Variants in CMTR2 observed in about 807,000 individuals in gnomAD.
CMTR2 encodes the protein cap-specific mRNA (nucleoside-2'-O-)-methyltransferase 2.
CMTR2 carries 40 observed loss-of-function variants against 49.8 expected under a neutral mutation model. The observed-to-expected ratio is 0.80, with a 90% CI of 0.62 to 1.04. The LOEUF is 1.04. CMTR2 is among the 50% of genes least tolerant of loss of function. CMTR2 has a pLI of 0.00. For missense variants in CMTR2, 907 were observed against 897.2 expected (o/e 1.01, Z -0.14); for synonymous variants, 326 against 315.8 (o/e 1.03, Z -0.34).
chr16:71,288,019 AT>A (rs1287351820), intron 2 of CMTR2: 5 of 152,186 alleles, frequency 3.3e-5, no homozygotes, highest in South Asian at 2.1e-4. Flanking sequence ...CTAATAGGAA[AT>A]TACCTTCACA....
chr16:71,283,695 C>G lies in CMTR2; in HGVS notation c.2226G>C (p.Leu742Phe). The change falls in exon 3 of 3, where the codon TTG (leucine) becomes TTC (phenylalanine). Residue 742 changes from leucine (L) to phenylalanine (F), a missense_variant. Coordinates refer to ENST00000434935, the MANE Select transcript of CMTR2 (RefSeq NM_018348.6). ...AATGCCTTTTAGCAATGGCAGCATT[C>G]AAATCCCACAAAAAATCAAGCAGGG... ...KGALLDFLWD[L>F]NAAIAKRHLH... 6.2e-7 allele frequency: 1 copy of G among 1,613,872 alleles called. No individual in the cohort carries two copies. Among genetic ancestry groups the G allele is most frequent in the Non-Finnish European group, 8.5e-7 (1 of 1,179,894 alleles).
In CMTR2 at chr16:71,283,456, AATGG is replaced by A. The variant is rs1218973326; in HGVS notation, c.*148_*151del. The stretch of plus-strand genomic sequence containing the variant: ...TGGGTGTATATACCCTAGAGATCAG[AATGG>A]ATGGTTTTCCAGAATTAATGAGACT... On this transcript the variant is annotated 3_prime_UTR_variant, in exon 3 of 3. Coordinates refer to ENST00000434935, the MANE Select transcript of CMTR2 (RefSeq NM_018348.6). 3 of 895,472 alleles carry A rather than the reference AATGG, an allele frequency of 3.4e-6. No homozygotes were observed. In the African/African-American group the frequency reaches 5.1e-5, roughly 15 times the overall value. 55.5% of individuals were successfully genotyped at this position (895,472 alleles called of 1,614,324 possible).
In CMTR2 at chr16:71,284,875, TG is replaced by T; in HGVS notation, c.1045del (p.His349IlefsTer3). The T allele has an allele frequency of 1.9e-6, 3 of 1,613,942 alleles. No individual in the cohort carries two copies. The highest frequency in any genetic ancestry group is 2.5e-6 in the Non-Finnish European group (3 of 1,179,952). On this transcript the variant is annotated frameshift_variant, in exon 3 of 3. Coordinates refer to ENST00000434935, the MANE Select transcript of CMTR2 (RefSeq NM_018348.6). LOFTEE classifies it high-confidence loss of function. ...AAGAAAAGAATCAGGAATCACATGA[TG>T]GGGAAAAAGGGCTTTCCTTTTCATT... ...TEMKRKALFP[H>X]HVIPDSFLKR...
At chr16:71,286,549 A>T (rs968653812) in intron 2 of CMTR2, 6 of 152,002 alleles carry the variant, frequency 3.9e-5, no homozygotes, top group African/African-American at 7.3e-5. Flanking sequence ...CCTCACTAGT[A>T]GGATTGTTGA....
chr16:71,289,174 G>A lies in CMTR2; in HGVS notation c.-118C>T, dbSNP rs2015322798. Reference sequence around the variant, plus strand: ...CACTGGGGCCCCAGTGTCTGGAGAGGCTGCACTTTACTCTCTCGAGGAAGC... The same window carrying A: ...CACTGGGGCCCCAGTGTCTGGAGAGACTGCACTTTACTCTCTCGAGGAAGC... On this transcript the variant is annotated 5_prime_UTR_variant, in exon 1 of 3. Coordinates refer to ENST00000434935, the MANE Select transcript of CMTR2 (RefSeq NM_018348.6). The A allele has an allele frequency of 6.6e-6, 1 of 152,436 alleles. No individual in the cohort carries two copies. Among genetic ancestry groups the A allele is most frequent in the Non-Finnish European group, 1.5e-5 (1 of 68,136 alleles). 9.4% of individuals were successfully genotyped at this position (152,436 alleles called of 1,614,324 possible).
rs1459141052 is a variant in CMTR2, at chr16:71,285,467, CTA to C, written c.452_453del (p.Ile151SerfsTer2). ...GATTTTAAGTAGTGGTTGAGACTAG[CTA>C]TAAAAGCTCCTGGAGCTTCACAAAG... Reference protein sequence around the residue: ...LHLCEAPGAFIASLNHYLKSH... With the variant: ...LHLCEAPGAFXASLNHYLKSH... On this transcript the variant is annotated frameshift_variant, in exon 3 of 3. Coordinates refer to ENST00000434935, the MANE Select transcript of CMTR2 (RefSeq NM_018348.6). LOFTEE classifies it high-confidence loss of function. 1 of 1,613,972 alleles carries C rather than the reference CTA, an allele frequency of 6.2e-7. No homozygotes were observed. The highest frequency in any genetic ancestry group is 1.1e-5 in the South Asian group (1 of 91,076).
rs1198983044 is a variant in CMTR2, at chr16:71,284,726, A to C, written c.1195T>G (p.Cys399Gly). The C allele has an allele frequency of 1.9e-6, 3 of 1,613,580 alleles. No individual in the cohort carries two copies. The highest frequency in any genetic ancestry group is 2.5e-6 in the Non-Finnish European group (3 of 1,179,736). Residue 399 changes from cysteine to glycine, a missense_variant, in exon 3 of 3, where the codon TGT becomes GGT. Coordinates refer to ENST00000434935, the MANE Select transcript of CMTR2 (RefSeq NM_018348.6). Reference protein sequence around the residue: ...EQEKLNNLRDCAIQYFMQKFQ... With the variant: ...EQEKLNNLRDGAIQYFMQKFQ... ...TTTTGCATAAAATATTGTATAGCAC[A>C]ATCCCTTAAATTATTCAGCTTTTCT...
chr16:71,289,631 G>C (rs1460572014), upstream of CMTR2: 1 of 150,832 alleles, frequency 6.6e-6, no homozygotes, highest in Non-Finnish European at 1.5e-5. Context: ...GAAAGGGAGA[G>C]GGACAGGGAG....
chr16:71,285,242 C>A lies in CMTR2; in HGVS notation c.679G>T (p.Ala227Ser). 1 of 1,613,774 alleles carries A rather than the reference C, an allele frequency of 6.2e-7. No homozygotes were observed. The highest frequency in any genetic ancestry group is 8.5e-7 in the Non-Finnish European group (1 of 1,179,648). The change falls in exon 3 of 3, where the codon GCT becomes TCT. Residue 227 changes from alanine to serine, a missense_variant. Transcript: ENST00000434935. ...TGLQNFISSM[A>S]TVHLVTADGS... ...TCTGCAGTGACCAAGTGAACAGTAG[C>A]CATGCTGCTTATGAAATTCTGAAGT...
rs777100027 is a variant in CMTR2 at position 71,284,962 on chromosome 16, T to C, written c.959A>G (p.Tyr320Cys). 5.6e-6 allele frequency: 9 copies of C among 1,613,946 alleles called. No individual in the cohort carries two copies. The highest frequency in any genetic ancestry group is 6.8e-6 in the Non-Finnish European group (8 of 1,179,928). ...NSEVYVVCLH[Y>C]KGREAIHPLL... ...AGGATGGATGGCCTCTCTCCCCTTA[T>C]AGTGGAGGCAAACCACATAGACTTC... The change falls in exon 3 of 3, where the codon TAT (tyrosine) becomes TGT (cysteine). Residue 320 changes from tyrosine (Y) to cysteine (C), a missense_variant. Tyr to Cys is a radical substitution (Grantham distance 194, BLOSUM62 -2). Coordinates refer to ENST00000434935, the MANE Select transcript of CMTR2 (RefSeq NM_018348.6).
At chr16:71,287,037 A>ATAT (rs1423503023) in intron 2 of CMTR2, 4 of 152,308 alleles carry the variant, frequency 2.6e-5, no homozygotes, top group Admixed American at 6.5e-5. Flanking sequence ...AGAGCAATGA[A>ATAT]TATTACATGG....
At position 71,284,692 on chromosome 16, in the gene CMTR2, A is replaced by G; in HGVS notation, c.1229T>C (p.Leu410Pro). 1 of 1,612,724 alleles carries G rather than the reference A, an allele frequency of 6.2e-7. No individual in the cohort carries two copies. Among genetic ancestry groups the G allele is most frequent in the South Asian group, 1.1e-5 (1 of 90,728 alleles). The change falls in exon 3 of 3, where the codon CTG becomes CCG. Residue 410 changes from leucine (L) to proline (P), a missense_variant. Transcript: ENST00000434935. Reference protein sequence around the residue: ...AIQYFMQKFQLKHLSRNNWLV... With the variant: ...AIQYFMQKFQPKHLSRNNWLV... ...CCAATTATTTCTGGAAAGATGTTTC[A>G]GTTGAAATTTTTGCATAAAATATTG...
In CMTR2 at chr16:71,284,441, A is replaced by T. The variant is rs1167131284; in HGVS notation, c.1480T>A (p.Trp494Arg). The T allele has an allele frequency of 3.1e-6, 5 of 1,614,014 alleles. No homozygotes were observed. The highest frequency in any genetic ancestry group is 1.7e-5 in the Admixed American group (1 of 60,028). ...AGTTTCTTTCCCTCCAAAATATGCCATAAGTGACACTCAAGATTGGAAGCT... is the reference window on the plus strand; with the variant it reads ...AGTTTCTTTCCCTCCAAAATATGCCTTAAGTGACACTCAAGATTGGAAGCT... ...GTASNLECHL[W>R]HILEGKKLPK... Residue 494 changes from tryptophan (W) to arginine (R), a missense_variant, in exon 3 of 3, where the codon TGG (tryptophan) becomes AGG (arginine). Trp to Arg is a moderately radical substitution (Grantham distance 101, BLOSUM62 -3). Transcript: ENST00000434935.
Position 71,283,854 on chromosome 16 carries a change from A to G in CMTR2, c.2067T>C (p.Val689=). 1 of 1,613,900 alleles carries G rather than the reference A, an allele frequency of 6.2e-7. No individual in the cohort carries two copies. Among genetic ancestry groups the G allele is most frequent in the Non-Finnish European group, 8.5e-7 (1 of 1,179,882 alleles). The change falls in exon 3 of 3, where the codon GTT becomes GTC. Residue 689 remains valine (V), a synonymous_variant. Coordinates refer to ENST00000434935, the MANE Select transcript of CMTR2 (RefSeq NM_018348.6). ...CTGGATTTGGAAGGTCCTGATAACC[A>G]ACACATAGCAGGACTGCGCAGGTCC... ...PLRTCAVLLC[V]GYQDLPNPVF... is the part of the protein sequence containing the mutation.
rs11645087 is a variant in CMTR2 at position 71,281,757 on chromosome 16, T to C, written c.*1851A>G. ...CAGTGTTATATATTCCAGTACAGAT[T>C]AGTGTCAACAAAACACTAAGCATTC... On this transcript the variant is annotated 3_prime_UTR_variant, in exon 3 of 3. Transcript: ENST00000434935. 0.29 allele frequency: 44,223 copies of C among 151,872 alleles called. 7,842 individuals carry two copies. Among genetic ancestry groups the C allele is most frequent in the Non-Finnish European group, 0.4 (26,810 of 67,758 alleles). 9.4% of individuals were successfully genotyped at this position (151,872 alleles called of 1,614,324 possible). A position where few individuals can be genotyped will look rare whatever the true frequency, so the allele number is the denominator to read the frequency against.
rs1453120210 is a variant in CMTR2 at position 71,282,778 on chromosome 16, C to A, written c.*830G>T. The A allele has an allele frequency of 1.3e-5, 2 of 152,436 alleles. No homozygotes were observed. Among genetic ancestry groups the A allele is most frequent in the Non-Finnish European group, 2.9e-5 (2 of 67,998 alleles). 9.4% of individuals were successfully genotyped at this position (152,436 alleles called of 1,614,324 possible). ...CCCAACATGAGACTAAACACTATCT[C>A]AAAATCTTAAAAAATCTTTCCATTC... is the stretch of plus-strand genomic sequence containing the variant. On this transcript the variant is annotated 3_prime_UTR_variant, in exon 3 of 3. Coordinates refer to ENST00000434935, the MANE Select transcript of CMTR2 (RefSeq NM_018348.6).
rs1021905565 is a variant in CMTR2, at chr16:71,284,367, A to C, written c.1554T>G (p.Thr518=). The C allele has an allele frequency of 1.9e-6, 3 of 1,613,452 alleles. No individual in the cohort carries two copies. The highest frequency in any genetic ancestry group is 2.5e-6 in the Non-Finnish European group (3 of 1,179,836). ...ATGACTTTTCAATTGCTTCATTAAG[A>C]GTTTTTAAAATTTCACCATTGCAAA... ...SPFCNGEILK[T]LNEAIEKSLG... The change falls in exon 3 of 3, where the codon ACT becomes ACG. Residue 518 remains threonine (T), a synonymous_variant. Transcript: ENST00000434935.
chr16:71,287,708 A>T (rs538682858), intron 2 of CMTR2: 3 of 152,388 alleles, frequency 2.0e-5, no homozygotes, highest in Admixed American at 6.5e-5. Flanking sequence ...TGCTGGGATT[A>T]CAGGTGTCAG....
Position 71,284,828 on chromosome 16 carries a change from CACA to C in CMTR2, c.1090_1092del (p.Cys364del). On this transcript the variant is annotated inframe_deletion, in exon 3 of 3. Coordinates refer to ENST00000434935, the MANE Select transcript of CMTR2 (RefSeq NM_018348.6). ...TCTAGCTGATATTTATGAAAGAACACACAACATTCTTCATGTCTCTTAAGAAAA... is the reference window on the plus strand; with the variant it reads ...TCTAGCTGATATTTATGAAAGAACACACATTCTTCATGTCTCTTAAGAAAA... The C allele has an allele frequency of 1.2e-6, 2 of 1,613,884 alleles. No homozygotes were observed. The highest frequency in any genetic ancestry group is 8.5e-7 in the Non-Finnish European group (1 of 1,179,960).
Sources: gnomAD v4.1 joint callset for allele counts on GRCh38, gnomAD v4.1.1 for gene constraint, MANE v1.5 for transcripts, NCBI Gene and HGNC (gene_info 2026-07-23, HGNC 2026-07-21) for gene names.